The following FUT9 variants were observed in gnomAD, a reference collection of about 807,000 sequenced individuals.
The protein encoded by FUT9 is 4-galactosyl-N-acetylglucosaminide 3-alpha-L-fucosyltransferase 9.
FUT9 carries 15 observed loss-of-function variants against 29.7 expected under a neutral mutation model. That is an observed-to-expected ratio of 0.51 (90% CI 0.34 to 0.78). The LOEUF is 0.78. Ranked by LOEUF, FUT9 falls within the 30% of genes least tolerant of loss-of-function variation. The pLI, the probability that FUT9 is intolerant of heterozygous loss-of-function variation, is 0.01. For missense variants in FUT9, 319 were observed against 425.4 expected (o/e 0.75, Z 2.20); for synonymous variants, 169 against 153.7 (o/e 1.10, Z -0.74).
chr6:96,150,742 C>T (rs1006628177), intron 2 of FUT9, among the ~76,000 whole-genome samples: 1 of 152,160 alleles, frequency 6.6e-6, no homozygotes, highest in Non-Finnish European at 1.5e-5. Context: ...AGACTGTTCA[C>T]CTCTTTCCAG....
Position 96,053,647 on chromosome 6 carries a change from T to A in FUT9, c.-98+37435T>A, listed in dbSNP as rs571327782. ...TGGTGTGAACCCGGGAGGCGTAGTTTGCAGTGAGCCGAGATCGCACCACTC... is the reference window on the plus strand; with the variant it reads ...TGGTGTGAACCCGGGAGGCGTAGTTAGCAGTGAGCCGAGATCGCACCACTC... On this transcript the variant is annotated intron_variant, in intron 1 of 2. Coordinates refer to ENST00000302103, the MANE Select transcript of FUT9 (RefSeq NM_006581.4). Among the ~76,000 whole-genome samples the A allele has an allele frequency of 1.2e-4, 18 of 152,208 alleles. No individual in the cohort carries two copies. In the East Asian group the frequency reaches 3.5e-3, roughly 29 times the overall value.
intron 2 of FUT9, among the ~76,000 whole-genome samples, chr6:96,145,902 G>A (rs1301735502): frequency 1.3e-5 from 2 of 152,066 alleles, no homozygotes; most frequent in Non-Finnish European, 2.9e-5. Context: ...GTCTCACTCT[G>A]TCATCCAGGC....
chr6:96,035,401 G>C (rs1453892086), intron 1 of FUT9, among the ~76,000 whole-genome samples: 1 of 151,060 alleles, frequency 6.6e-6, no homozygotes, highest in African/African-American at 2.4e-5. Flanking sequence ...ATTTAGACTT[G>C]AATTTCACAC....
intron 1 of FUT9, among the ~76,000 whole-genome samples, chr6:96,056,753 A>T (rs2127941474): frequency 6.6e-6 from 1 of 152,022 alleles, no homozygotes; most frequent in Non-Finnish European, 1.5e-5. Context: ...TTAAAGGAAA[A>T]AATAAAAAAA....
chr6:96,037,356 T>G (rs895273163), intron 1 of FUT9: 5 of 152,074 alleles, frequency 3.3e-5, no homozygotes, highest in African/African-American at 1.2e-4. Flanking sequence ...GGGGCTTTGA[T>G]TGTACTAGAC....
intron 1 of FUT9, among the ~76,000 whole-genome samples, chr6:96,086,129 C>T (rs1050726017): frequency 3.9e-5 from 6 of 152,194 alleles, no homozygotes; most frequent in Admixed American, 1.3e-4. Flanking sequence ...CTCTGAATCA[C>T]AGGCTGCACA....
intron 1 of FUT9, among the ~76,000 whole-genome samples, chr6:96,096,322 C>A (rs553122266): frequency 6.6e-6 from 1 of 152,166 alleles, no homozygotes; most frequent in East Asian, 1.9e-4. Context: ...TCTAATCCAA[C>A]CCCCCAGGAT....
chr6:96,194,701 G>A (rs1184091061), intron 2 of FUT9, among the ~76,000 whole-genome samples: 2 of 25,612 alleles, frequency 7.8e-5, no homozygotes, highest in Non-Finnish European at 6.8e-4. Flanking sequence ...TGAGAGTTTT[G>A]GATTTTTTTT....
intron 2 of FUT9, among the ~76,000 whole-genome samples, chr6:96,126,386 C>G (rs950032457): frequency 2.0e-5 from 3 of 152,192 alleles, no homozygotes; most frequent in African/African-American, 7.2e-5. Context: ...AGAAGTCACA[C>G]ATTACTGCCA....
At chr6:96,181,270 G>A (rs1412055640) in intron 2 of FUT9, among the ~76,000 whole-genome samples, 1 of 151,956 alleles carries the variant, frequency 6.6e-6, no homozygotes, top group Non-Finnish European at 1.5e-5. Flanking sequence ...AATCAATGAA[G>A]AGGCAAGAAG....
At chr6:96,138,168 T>C (rs145567141) in intron 2 of FUT9, among the ~76,000 whole-genome samples, 1 of 152,282 alleles carries the variant, frequency 6.6e-6, no homozygotes, top group Non-Finnish European at 1.5e-5. Flanking sequence ...CCTCTCTTGA[T>C]TAAAAAATAG....
intron 1 of FUT9, among the ~76,000 whole-genome samples, chr6:96,056,348 C>T (rs1562110494): frequency 6.6e-6 from 1 of 152,282 alleles, no homozygotes; most frequent in African/African-American, 2.4e-5. Flanking sequence ...GATCTAGAAA[C>T]ATTTTTCTTT....
chr6:96,129,970 T>C (rs943086670), intron 2 of FUT9, among the ~76,000 whole-genome samples: 1 of 152,034 alleles, frequency 6.6e-6, no homozygotes, highest in Non-Finnish European at 1.5e-5. Flanking sequence ...AAAAATTAAT[T>C]TTACCACAGT....
At chr6:96,039,001 C>T (rs1770409207) in intron 1 of FUT9, among the ~76,000 whole-genome samples, 1 of 152,160 alleles carries the variant, frequency 6.6e-6, no homozygotes, top group Non-Finnish European at 1.5e-5. Context: ...AGCCTCCCCT[C>T]AATGCTTCAA....
At chr6:96,059,055 C>G (rs535829216) in intron 1 of FUT9, among the ~76,000 whole-genome samples, 2 of 152,148 alleles carry the variant, frequency 1.3e-5, no homozygotes, top group Admixed American at 1.3e-4. Context: ...TTTTTAATAT[C>G]TTGCTATATG....
intron 2 of FUT9, among the ~76,000 whole-genome samples, chr6:96,159,550 G>C (rs1772858756): frequency 6.6e-6 from 1 of 152,070 alleles, no homozygotes; most frequent in South Asian, 2.1e-4. Flanking sequence ...CCCCAAATAA[G>C]CTTTCAGAAC....
At chr6:96,164,754 G>C (rs1054906907) in intron 2 of FUT9, among the ~76,000 whole-genome samples, 4 of 152,254 alleles carry the variant, frequency 2.6e-5, no homozygotes, top group South Asian at 4.1e-4. Context: ...GTTTATTTTA[G>C]AATGTCCTTG....
At chr6:96,129,615 T>C (rs930361319) in intron 2 of FUT9, among the ~76,000 whole-genome samples, 3 of 151,998 alleles carry the variant, frequency 2.0e-5, no homozygotes, top group African/African-American at 7.2e-5. Context: ...TTTGAAAAAG[T>C]TCTAAAAGGA....
intron 2 of FUT9, among the ~76,000 whole-genome samples, chr6:96,189,419 A>G (rs1195187747): frequency 6.6e-6 from 1 of 152,018 alleles, no homozygotes; most frequent in East Asian, 1.9e-4. Flanking sequence ...CCTAAAACAG[A>G]ATGGTAATAT....
Sources: gnomAD v4.1 joint callset for allele counts (sites outside exome capture counted in the v4.1 genomes callset) on GRCh38, gnomAD v4.1.1 for gene constraint, MANE v1.5 for transcripts, NCBI Gene and HGNC (gene_info 2026-07-23, HGNC 2026-07-21) for gene names.